Variants in MPP2 observed in about 807,000 individuals in gnomAD.
The protein encoded by MPP2 is MAGUK p55 scaffold protein 2.
MPP2 carries 42 observed loss-of-function variants against 58.5 expected under a neutral mutation model. That is an observed-to-expected ratio of 0.72 (90% CI 0.56 to 0.93). The LOEUF is 0.93. Ranked by LOEUF, MPP2 falls within the 40% of genes least tolerant of loss-of-function variation. The pLI, the probability that MPP2 is intolerant of heterozygous loss-of-function variation, is 0.00. For synonymous variants in MPP2, 300 were observed against 307.8 expected, an observed-to-expected ratio of 0.97 and a Z score of 0.26; for missense variants, 632 against 760.4, an observed-to-expected ratio of 0.83 and a Z score of 1.99.
Position 43,875,833 on chromosome 17 carries a change from G to A in MPP2, c.*1974C>T, listed in dbSNP as rs897920643. On this transcript the variant is annotated 3_prime_UTR_variant, in exon 13 of 13. Transcript: ENST00000269095. ...GAGATGATGGTCATTTGGATCAAGG[G>A]GGCAGAAGCAGCTGCAACAACAGAT... The A allele has an allele frequency of 3.3e-5, 5 of 152,178 alleles. No individual in the cohort carries two copies. The highest frequency in any genetic ancestry group is 6.5e-5 in the Admixed American group (1 of 15,272). The allele number at this position is 152,178 out of a possible 1,614,324, so 9.4% of individuals were successfully genotyped here. A position where few individuals can be genotyped will look rare whatever the true frequency, so the allele number is the denominator to read the frequency against.
chr17:43,902,892 A>G (rs915799969), intron 2 of MPP2, among the ~76,000 whole-genome samples: 2 of 152,210 alleles, frequency 1.3e-5, no homozygotes, highest in African/African-American at 2.4e-5. Context: ...ACGGGAATCC[A>G]TGATCCCCTA....
At chr17:43,900,024 C>A (rs1283045490) in intron 2 of MPP2, among the ~76,000 whole-genome samples, 1 of 152,168 alleles carries the variant, frequency 6.6e-6, no homozygotes, top group Non-Finnish European at 1.5e-5. Context: ...TGTCAGTGCC[C>A]CCCTCCTCCA....
intron 3 of MPP2, among the ~76,000 whole-genome samples, chr17:43,891,522 A>C (rs1468563665): frequency 1.3e-5 from 2 of 151,980 alleles, no homozygotes; most frequent in African/African-American, 4.8e-5. Context: ...CTCAAAAAAA[A>C]AAAAAACTTA....
At chr17:43,894,231 A>G (rs531129025) in intron 3 of MPP2, among the ~76,000 whole-genome samples, 8 of 151,748 alleles carry the variant, frequency 5.3e-5, no homozygotes, top group Non-Finnish European at 1.2e-4. Context: ...ATCCTGGCCA[A>G]CATGGTGAAA....
chr17:43,879,798 AGCAC>A lies in MPP2; in HGVS notation c.1333_1336del (p.Val445TrpfsTer8). ...TGGCGGTACCTGGGGGTTGACATCC[AGCAC>A]GCACACCTTCCCAGCAGCGACCACG... On this transcript the variant is annotated frameshift_variant, in exon 11 of 13. Coordinates refer to ENST00000269095, the MANE Select transcript of MPP2 (RefSeq NM_005374.5). LOFTEE classifies it high-confidence loss of function. This position sits in a 1 kb window ranked among gnomAD's most constrained non-coding sequence, Gnocchi z 4.1. 1 of 1,613,650 alleles carries A rather than the reference AGCAC, an allele frequency of 6.2e-7. No homozygotes were observed. The highest frequency in any genetic ancestry group is 8.5e-7 in the Non-Finnish European group (1 of 1,179,864).
At chr17:43,892,752 C>A (rs565122308) in intron 3 of MPP2, among the ~76,000 whole-genome samples, 6 of 152,284 alleles carry the variant, frequency 3.9e-5, no homozygotes, top group African/African-American at 1.4e-4. Context: ...AAAATCCTGA[C>A]CAGCTTCTCG....
At chr17:43,891,280 G>A (rs1379280222) in intron 3 of MPP2, among the ~76,000 whole-genome samples, 1 of 152,152 alleles carries the variant, frequency 6.6e-6, no homozygotes, top group Non-Finnish European at 1.5e-5. Context: ...ACTTTGGGAG[G>A]AGGCCGAGGT....
rs1276513313 is a variant in MPP2, at chr17:43,883,070, G to A, written c.304-18C>T. Reference sequence around the variant, plus strand: ...AGGAGGGACTGGGGGGTGGTGGGAAGAGAAGGGACAATGGGGCAGTGTCCC... The same window carrying A: ...AGGAGGGACTGGGGGGTGGTGGGAAAAGAAGGGACAATGGGGCAGTGTCCC... On this transcript the variant is annotated intron_variant, in intron 4 of 12. Coordinates refer to ENST00000269095, the MANE Select transcript of MPP2 (RefSeq NM_005374.5). 3 of 1,604,006 alleles carry A rather than the reference G, an allele frequency of 1.9e-6. No homozygotes were observed. The highest frequency in any genetic ancestry group is 1.7e-6 in the Non-Finnish European group (2 of 1,175,008).
At position 43,877,612 on chromosome 17, in the gene MPP2, A is replaced by G. The variant is rs2046902240; in HGVS notation, c.*195T>C. Reference sequence around the variant, plus strand: ...AGTGGGCAGCACCTGGGCACAAGGTACCCCATGAATGCCCACCTCCCTGGC... The same window carrying G: ...AGTGGGCAGCACCTGGGCACAAGGTGCCCCATGAATGCCCACCTCCCTGGC... On this transcript the variant is annotated 3_prime_UTR_variant, in exon 13 of 13. Transcript: ENST00000269095. The G allele has an allele frequency of 1.6e-6, 1 of 611,788 alleles. No individual in the cohort carries two copies. Among genetic ancestry groups the G allele is most frequent in the South Asian group, 2.0e-5 (1 of 50,924 alleles). The allele number at this position is 611,788 out of a possible 1,614,324, so 37.9% of individuals were successfully genotyped here.
chr17:43,880,975 G>T lies in MPP2; in HGVS notation c.988+115C>A. The T allele has an allele frequency of 6.6e-7, 1 of 1,525,928 alleles. No homozygotes were observed. 94.5% of individuals were successfully genotyped at this position (1,525,928 alleles called of 1,614,324 possible). On this transcript the variant is annotated intron_variant, in intron 9 of 12. Coordinates refer to ENST00000269095, the MANE Select transcript of MPP2 (RefSeq NM_005374.5). The surrounding 1 kb of genome is among the most constrained non-coding windows in gnomAD (Gnocchi z 5.2). The stretch of plus-strand genomic sequence containing the variant: ...GCAGGGGGGAGTCGGGCAGGGCCTA[G>T]GGACACGGCTGGCAGCATCTGAGCC...
At position 43,880,047 on chromosome 17, in the gene MPP2, T is replaced by A. The variant is rs974563623; in HGVS notation, c.1151-63A>T. On this transcript the variant is annotated intron_variant, in intron 10 of 12. Coordinates refer to ENST00000269095, the MANE Select transcript of MPP2 (RefSeq NM_005374.5). The surrounding 1 kb of genome is among the most constrained non-coding windows in gnomAD (Gnocchi z 5.2). ...GGCAGGTTACAGTGCCTCAGACACA[T>A]ATATGCACCCCTACCCAGGCCCCCG... 1.3e-6 allele frequency: 2 copies of A among 1,505,972 alleles called. No homozygotes were observed. 93.3% of individuals were successfully genotyped at this position (1,505,972 alleles called of 1,614,324 possible).
intron 3 of MPP2, among the ~76,000 whole-genome samples, chr17:43,887,050 CA>C (rs35016242): frequency 0.78 from 111,386 of 141,978 alleles, 44,215 homozygotes; most frequent in East Asian, 0.99. Flanking sequence ...TTTTTGCATG[CA>C]AAAAAAAAAA....
rs1198042521 is a variant in MPP2, at chr17:43,875,603, C to G, written c.*2204G>C. 1 of 152,242 alleles carries G rather than the reference C, an allele frequency of 6.6e-6. No individual in the cohort carries two copies. Among genetic ancestry groups the G allele is most frequent in the Non-Finnish European group, 1.5e-5 (1 of 68,140 alleles). The allele number at this position is 152,242 out of a possible 1,614,324, so 9.4% of individuals were successfully genotyped here. On this transcript the variant is annotated 3_prime_UTR_variant, in exon 13 of 13. Transcript: ENST00000269095. ...CACACCTGTTCCAACCCAGCCCCAG[C>G]CCTGTTCCAGGTGAGCCAAGGACTG...
At chr17:43,884,334 G>A (rs1460652774) in intron 3 of MPP2, among the ~76,000 whole-genome samples, 2 of 152,200 alleles carry the variant, frequency 1.3e-5, no homozygotes, top group Non-Finnish European at 2.9e-5. Flanking sequence ...ATCTAGAACA[G>A]ATCCCAATAA....
chr17:43,904,146 C>T (rs2048201074), intron 2 of MPP2, among the ~76,000 whole-genome samples: 1 of 152,176 alleles, frequency 6.6e-6, no homozygotes, highest in African/African-American at 2.4e-5. Flanking sequence ...TAGTACGGGT[C>T]ACCTCTGGAG....
Position 43,880,599 on chromosome 17 carries a change from C to T in MPP2, c.1150+92G>A, listed in dbSNP as rs2047064661. ...CCCAAAGGTACCACCTGGCCTGGTG[C>T]CCATGAAGATGCCCATTCGGTGGGC... On this transcript the variant is annotated intron_variant, in intron 10 of 12. Transcript: ENST00000269095. This position sits in a 1 kb window ranked among gnomAD's most constrained non-coding sequence, Gnocchi z 5.2. The T allele has an allele frequency of 7.0e-7, 1 of 1,425,194 alleles. No homozygotes were observed. Among genetic ancestry groups the T allele is most frequent in the Non-Finnish European group, 9.4e-7 (1 of 1,061,794 alleles). 88.3% of individuals were successfully genotyped at this position (1,425,194 alleles called of 1,614,324 possible).
intron 2 of MPP2, among the ~76,000 whole-genome samples, chr17:43,903,448 G>A (rs1421347940): frequency 6.6e-6 from 1 of 152,154 alleles, no homozygotes. Flanking sequence ...AATCCCAGTA[G>A]TTTGGGAGGT....
chr17:43,886,072 C>A (rs2143613209), intron 3 of MPP2, among the ~76,000 whole-genome samples: 1 of 151,558 alleles, frequency 6.6e-6, no homozygotes, highest in East Asian at 2.0e-4. Flanking sequence ...CGCGCCACTG[C>A]CCTCCAGCCT....
chr17:43,899,990 A>G (rs1489844092), intron 2 of MPP2, among the ~76,000 whole-genome samples: 6 of 152,032 alleles, frequency 3.9e-5, no homozygotes, highest in African/African-American at 1.4e-4. Flanking sequence ...CGGAGGATGC[A>G]CCCCTGGCGC....
Sources: allele counts gnomAD v4.1 joint callset (sites outside exome capture counted in the v4.1 genomes callset), GRCh38; gene constraint gnomAD v4.1.1; non-coding constraint Gnocchi (gnomAD v3.1); transcripts MANE v1.5; gene names NCBI Gene and HGNC (gene_info 2026-07-23, HGNC 2026-07-21).